IFT122: variants seen among roughly 807,000 people sequenced by gnomAD.
IFT122 encodes the protein intraflagellar transport protein 122 homolog.
Under a neutral mutation model 161.6 loss-of-function variants are expected in IFT122, and 118 were observed. The ratio of observed to expected loss-of-function variants is 0.73; its 90% CI spans 0.63 to 0.85. The LOEUF (loss-of-function observed/expected upper bound fraction) is 0.85. Ranked by LOEUF, IFT122 falls within the 40% of genes least tolerant of loss-of-function variation. The pLI is 0.00. For synonymous variants in IFT122, 550 were observed against 602.4 expected (o/e 0.91, Z 1.27); for missense variants, 1,381 against 1,579.6 (o/e 0.87, Z 2.13).
At chr3:129,476,015 A>G in intron 9 of IFT122, 1 of 453,884 alleles carries the variant, frequency 2.2e-6, no homozygotes, top group South Asian at 2.2e-5. Flanking sequence ...AACCACCCAC[A>G]GTCTCCATCT....
chr3:129,463,734 T>G, intron 6 of IFT122, 108 bp downstream of exon 6: 1 of 881,348 alleles, frequency 1.1e-6, no homozygotes, highest in Non-Finnish European at 1.9e-6. Context: ...GGTAGTTGGT[T>G]TAGGCCCCTG....
intron 25 of IFT122, chr3:129,514,813 C>T: frequency 1.7e-6 from 1 of 580,492 alleles, no homozygotes; most frequent in South Asian, 1.9e-5. Context: ...TTGCTCCTTG[C>T]CCTCCCCTAG....
intron 3 of IFT122, among the ~76,000 whole-genome samples, chr3:129,457,179 C>T (rs2075607331): frequency 6.6e-6 from 1 of 152,218 alleles, no homozygotes; most frequent in Non-Finnish European, 1.5e-5. Flanking sequence ...CCGTGATCCT[C>T]TTCCAAATGC....
At chr3:129,496,697 T>C (rs1400157777) in intron 18 of IFT122, among the ~76,000 whole-genome samples, 1 of 152,160 alleles carries the variant, frequency 6.6e-6, no homozygotes, top group African/African-American at 2.4e-5. Context: ...CCCCAGCCTG[T>C]CTTTTCACCT....
Position 129,483,497 on chromosome 3 carries a change from A to G in IFT122, c.1666A>G (p.Asn556Asp), listed in dbSNP as rs1166080938. Residue 556 changes from asparagine (N) to aspartate (D), a missense_variant, in exon 15 of 30, where the codon AAC becomes GAC. Around this residue, in one of 7 missense-constraint regions of IFT122, gnomAD observed 544 missense variants for 648.0 expected, o/e 0.84. Transcript: ENST00000348417. ...KELLFQEPNA[N>D]SVAWNTQCED... ...CCCTGTTCCCCAGGAACCAAACGCC[A>G]ACAGTGTAGCTTGGAACACCCAGTG... is the stretch of plus-strand genomic sequence containing the variant. 2 of 1,613,834 alleles carry G rather than the reference A, an allele frequency of 1.2e-6. No individual in the cohort carries two copies. The highest frequency in any genetic ancestry group is 1.3e-5 in the African/African-American group (1 of 74,852).
In IFT122 at chr3:129,478,272, C is replaced by T. The variant is rs74719990; in HGVS notation, c.1350+54C>T. ...GCTGAATTCCATTTGTGCTCCCCCCCCAGTGATAGGGTGCCCACCTCATGG... is the reference window on the plus strand; with the variant it reads ...GCTGAATTCCATTTGTGCTCCCCCCTCAGTGATAGGGTGCCCACCTCATGG... On this transcript the variant is annotated intron_variant, in intron 12 of 29. Coordinates refer to ENST00000348417, the MANE Select transcript of IFT122 (RefSeq NM_052989.3). 24,702 of 1,492,960 alleles carry T rather than the reference C, an allele frequency of 0.017. 236 individuals are homozygous for T. The highest frequency in any genetic ancestry group is 0.024 in the Middle Eastern group (144 of 5,884). The allele number at this position is 1,492,960 out of a possible 1,614,324, so 92.5% of individuals were successfully genotyped here. A position where few individuals can be genotyped will look rare whatever the true frequency, so the allele number is the denominator to read the frequency against.
Position 129,512,492 on chromosome 3 carries a change from C to G in IFT122, c.2987+80C>G, listed in dbSNP as rs566853210. 5 of 954,538 alleles carry G rather than the reference C, an allele frequency of 5.2e-6. No individual in the cohort carries two copies. The East Asian group carries it at 1.2e-4, about 23-fold the overall frequency. 59.1% of individuals were successfully genotyped at this position (954,538 alleles called of 1,614,324 possible). ...CAAGAAATTCCTTCCAGAGCACTTT[C>G]CTGGCAGAACCTTCCTCTCTCAGCA... On this transcript the variant is annotated intron_variant, in intron 24 of 29. Transcript: ENST00000348417.
At chr3:129,450,291 A>C (rs904821908) in intron 2 of IFT122, among the ~76,000 whole-genome samples, 2 of 152,204 alleles carry the variant, frequency 1.3e-5, no homozygotes, top group African/African-American at 4.8e-5. Context: ...TGCTGTGTCC[A>C]TGAAAAGTCA....
chr3:129,492,039 T>C, intron 16 of IFT122, 102 bp from the exon 17 acceptor site: 1 of 859,986 alleles, frequency 1.2e-6, no homozygotes, highest in Non-Finnish European at 2.0e-6. Flanking sequence ...CTCTCCTCTG[T>C]GGCTCACTGT....
intron 23 of IFT122, among the ~76,000 whole-genome samples, chr3:129,509,903 A>G (rs1156506534): frequency 6.6e-6 from 1 of 152,236 alleles, no homozygotes; most frequent in African/African-American, 2.4e-5. Context: ...AAATAGGGAT[A>G]ACAGCACTAT....
intron 8 of IFT122, 138 bp from the exon 9 acceptor site, chr3:129,469,204 C>T (rs1003897127): frequency 2.7e-6 from 2 of 737,442 alleles, no homozygotes; most frequent in Non-Finnish European, 4.9e-6. Context: ...CAAATTATAA[C>T]TTTTGGCTTC....
chr3:129,469,102 G>A (rs905059864), intron 8 of IFT122, among the ~76,000 whole-genome samples: 3 of 152,214 alleles, frequency 2.0e-5, no homozygotes, highest in African/African-American at 7.2e-5. Context: ...AGCACCATAA[G>A]GTCATAGCAG....
intron 3 of IFT122, 137 bp from the exon 4 acceptor site, chr3:129,458,462 C>A: frequency 2.7e-6 from 2 of 739,534 alleles, no homozygotes; most frequent in South Asian, 1.6e-5. Flanking sequence ...AAGGTCCTGC[C>A]TCCCAGTACT....
rs1404477729 is a variant in IFT122 at position 129,520,142 on chromosome 3, G to A, written c.3637-34G>A. 3.8e-6 allele frequency: 6 copies of A among 1,560,750 alleles called. No individual in the cohort carries two copies. The South Asian group carries it at 4.5e-5, about 12-fold the overall frequency. ...AGGCGTAGGGCTGATGAGCACTAGG[G>A]CTTCAGCCTGGTCTTACAGCTGTCT... On this transcript the variant is annotated intron_variant, in intron 29 of 29. Transcript: ENST00000348417.
In IFT122 at chr3:129,451,969, CTG is replaced by C; in HGVS notation, c.168_169del (p.Tyr57LeufsTer17). On this transcript the variant is annotated frameshift_variant, in exon 3 of 30. Transcript: ENST00000348417. LOFTEE classifies it high-confidence loss of function. ...CAGCCCCTCAAGGGACACAAAGACA[CTG>C]TGTACTGTGTGGCATATGCGAAGGA... is the stretch of plus-strand genomic sequence containing the variant. The C allele has an allele frequency of 1.2e-6, 2 of 1,613,952 alleles. No homozygotes were observed. The highest frequency in any genetic ancestry group is 1.7e-6 in the Non-Finnish European group (2 of 1,179,792).
At chr3:129,474,482 GACA>G (rs1252833472) in intron 9 of IFT122, among the ~76,000 whole-genome samples, 3 of 152,176 alleles carry the variant, frequency 2.0e-5, no homozygotes, top group Non-Finnish European at 4.4e-5. Context: ...TGTGTCTACA[GACA>G]ACGAGAGAAG....
At chr3:129,473,268 G>A (rs2077552505) in intron 9 of IFT122, among the ~76,000 whole-genome samples, 2 of 152,186 alleles carry the variant, frequency 1.3e-5, no homozygotes, top group Admixed American at 6.5e-5. Flanking sequence ...GCACTCCAGT[G>A]TGGGTGACAG....
intron 26 of IFT122, among the ~76,000 whole-genome samples, chr3:129,516,351 C>T (rs1309079345): frequency 2.1e-5 from 3 of 146,150 alleles, no homozygotes; most frequent in Middle Eastern, 3.8e-3. Context: ...CCTGCACACA[C>T]ACACAGAGAC....
At chr3:129,478,900 A>C (rs1286645676) in intron 12 of IFT122, among the ~76,000 whole-genome samples, 1 of 152,208 alleles carries the variant, frequency 6.6e-6, no homozygotes, top group Non-Finnish European at 1.5e-5. Context: ...TTGTCAAGGA[A>C]GTTTTAATTC....
Sources: allele counts gnomAD v4.1 joint callset (sites outside exome capture counted in the v4.1 genomes callset), GRCh38; gene constraint gnomAD v4.1.1; regional missense constraint gnomAD v4.1.1; transcripts MANE v1.5; gene names NCBI Gene and HGNC (gene_info 2026-07-23, HGNC 2026-07-21).